Variants in CLMN observed in about 807,000 individuals in gnomAD.
CLMN encodes the protein calmin (calponin-like, transmembrane).
A neutral mutation model predicts 92.7 loss-of-function variants in CLMN; 57 were observed. The ratio of observed to expected loss-of-function variants is 0.61; its 90% CI spans 0.50 to 0.77. The LOEUF (loss-of-function observed/expected upper bound fraction) is 0.77, where lower values mean the gene tolerates loss of function less well. Ranked by LOEUF, CLMN falls within the 30% of genes least tolerant of loss-of-function variation. CLMN has a pLI of 0.00. For missense variants in CLMN, 1,158 were observed against 1,237.5 expected (o/e 0.94, Z 0.96); for synonymous variants, 466 against 470.6 (o/e 0.99, Z 0.13).
chr14:95,193,898 A>G lies in CLMN; in HGVS notation c.2791T>C (p.Leu931=). The G allele has an allele frequency of 6.2e-7, 1 of 1,614,128 alleles. No homozygotes were observed. Among genetic ancestry groups the G allele is most frequent in the African/African-American group, 1.3e-5 (1 of 75,028 alleles). The part of the protein sequence containing the change: ...SESDHFSYVQ[L]RNAADLDDRR... ...TCATCCAGATCTGCTGCGTTCCTCA[A>G]CTGAACATAGCTAAAATGATCCTAC... Residue 931 remains leucine (L), a synonymous_variant, in exon 12 of 13, where the codon TTG becomes CTG. Transcript: ENST00000298912.
At position 95,256,545 on chromosome 14, in the gene CLMN, G is replaced by A. The variant is rs1380204789; in HGVS notation, c.83-26412C>T. 6.6e-6 allele frequency among the ~76,000 whole-genome samples: 1 copy of A among 152,164 alleles called. No individual in the cohort carries two copies. Among genetic ancestry groups the A allele is most frequent in the Non-Finnish European group, 1.5e-5 (1 of 68,032 alleles). On this transcript the variant is annotated intron_variant, in intron 1 of 12. Transcript: ENST00000298912. The surrounding 1 kb of genome is among the most constrained non-coding windows in gnomAD (Gnocchi z 4.9). ...CACCTGCTGCTGGGCCCACGGCAGG[G>A]TAACTGCCACCAGCTTGCTGAGTGT...
chr14:95,299,183 C>G (rs1183386698), intron 1 of CLMN, among the ~76,000 whole-genome samples: 1 of 152,134 alleles, frequency 6.6e-6, no homozygotes, highest in African/African-American at 2.4e-5. Flanking sequence ...TCGGGCTGCC[C>G]AGGGTCCTTG....
At position 95,319,718 on chromosome 14, in the gene CLMN, G is replaced by A. The variant is rs774570674; in HGVS notation, c.75C>T (p.Asn25=). Residue 25 remains asparagine (N), a synonymous_variant, in exon 1 of 13, where the codon AAC becomes AAT. Transcript: ENST00000298912. ...GAGCCTGGGCTGCGTTACCTTGCAGGTTCTGCACTCGGATGTCGCTAATCT... is the reference window on the plus strand; with the variant it reads ...GAGCCTGGGCTGCGTTACCTTGCAGATTCTGCACTCGGATGTCGCTAATCT... The part of the protein sequence containing the change: ...IGQISDIRVQ[N]LQVERENVQK... 6.3e-7 allele frequency: 1 copy of A among 1,597,824 alleles called. No individual in the cohort carries two copies. Among genetic ancestry groups the A allele is most frequent in the South Asian group, 1.1e-5 (1 of 90,600 alleles).
intron 2 of CLMN, among the ~76,000 whole-genome samples, chr14:95,229,469 G>A (rs1008356040): frequency 6.6e-6 from 1 of 152,156 alleles, no homozygotes; most frequent in African/African-American, 2.4e-5. Flanking sequence ...GAATACAGAG[G>A]AGAAGCCATG....
At chr14:95,205,440 G>T (rs962332716) in intron 8 of CLMN, among the ~76,000 whole-genome samples, 4 of 152,094 alleles carry the variant, frequency 2.6e-5, no homozygotes, top group Non-Finnish European at 5.9e-5. Flanking sequence ...CAATACAAAA[G>T]AAATAGTTCT....
chr14:95,197,203 C>T (rs529379033), intron 9 of CLMN, among the ~76,000 whole-genome samples: 1 of 151,916 alleles, frequency 6.6e-6, no homozygotes, highest in Admixed American at 6.6e-5. Flanking sequence ...GAGCCAAGAT[C>T]ATGCCACTGC....
At chr14:95,302,500 T>C (rs1425598011) in intron 1 of CLMN, among the ~76,000 whole-genome samples, 2 of 152,162 alleles carry the variant, frequency 1.3e-5, no homozygotes, top group African/African-American at 2.4e-5. Flanking sequence ...TTTAACAATA[T>C]ATATATTTTT....
In CLMN at chr14:95,203,645, G is replaced by A. The variant is rs147284495; in HGVS notation, c.1704C>T (p.Ser568=). 45 of 1,614,004 alleles carry A rather than the reference G, an allele frequency of 2.8e-5. No individual in the cohort carries two copies. Among genetic ancestry groups the A allele is most frequent in the Middle Eastern group, 3.3e-4 (2 of 6,084 alleles). Residue 568 remains serine, a synonymous_variant, in exon 9 of 13, where the codon AGC becomes AGT. Transcript: ENST00000298912. ...AIPLKASKFN[S]DLIDFASTSQ... ...TGGTAGAAGCAAAATCTATTAGGTCGCTGTTAAATTTTGAGGCTTTTAATG... is the reference window on the plus strand; with the variant it reads ...TGGTAGAAGCAAAATCTATTAGGTCACTGTTAAATTTTGAGGCTTTTAATG...
In CLMN at chr14:95,204,360, T is replaced by C. The variant is rs1488416153; in HGVS notation, c.989A>G (p.Glu330Gly). The C allele has an allele frequency of 1.2e-6, 2 of 1,614,160 alleles. No individual in the cohort carries two copies. The highest frequency in any genetic ancestry group is 1.7e-6 in the Non-Finnish European group (2 of 1,180,018). ...AACAGTGTAGGTACGCTCCCCATTT[T>C]CAGTCAGAACGAAGACTTTGCTCTC... ...EQESKVFVLT[E>G]NGERTYTVNH... The change falls in exon 9 of 13, where the codon GAA becomes GGA. Residue 330 changes from glutamate (E) to glycine (G), a missense_variant. Glu to Gly is a moderately conservative substitution (Grantham distance 98). Coordinates refer to ENST00000298912, the MANE Select transcript of CLMN (RefSeq NM_024734.4).
intron 1 of CLMN, among the ~76,000 whole-genome samples, chr14:95,242,951 A>C (rs1042174205): frequency 5.9e-5 from 9 of 151,952 alleles, no homozygotes; most frequent in Admixed American, 1.3e-4. Flanking sequence ...GAGGTTGGCA[A>C]TTTTTTTTCT....
chr14:95,263,485 C>T, intron 1 of CLMN, among the ~76,000 whole-genome samples: 1 of 152,194 alleles, frequency 6.6e-6, no homozygotes, highest in African/African-American at 2.4e-5. Context: ...AAGATCCAGA[C>T]ACTGATGAGG....
At position 95,191,897 on chromosome 14, in the gene CLMN, A is replaced by G. The variant is rs1484680996; in HGVS notation, c.2841-165T>C. 5 of 584,916 alleles carry G rather than the reference A, an allele frequency of 8.5e-6. No individual in the cohort carries two copies. The highest frequency in any genetic ancestry group is 1.4e-5 in the Non-Finnish European group (5 of 345,904). 36.2% of individuals were successfully genotyped at this position (584,916 alleles called of 1,614,324 possible). On this transcript the variant is annotated intron_variant, in intron 12 of 12. Transcript: ENST00000298912. This position sits in a 1 kb window ranked among gnomAD's most constrained non-coding sequence, Gnocchi z 5.3. ...GCCCCACACTGTGTGTACTGGCCCAAGGCAGTGCGTCGGGCCATCCAGGCA... is the reference window on the plus strand; with the variant it reads ...GCCCCACACTGTGTGTACTGGCCCAGGGCAGTGCGTCGGGCCATCCAGGCA...
chr14:95,287,642 G>A (rs1900394372), intron 1 of CLMN, among the ~76,000 whole-genome samples: 1 of 152,224 alleles, frequency 6.6e-6, no homozygotes, highest in African/African-American at 2.4e-5. Context: ...GGGTGATGCT[G>A]ATGCTGCTGG....
At chr14:95,248,172 C>T (rs561466281) in intron 1 of CLMN, among the ~76,000 whole-genome samples, 7 of 151,364 alleles carry the variant, frequency 4.6e-5, no homozygotes, top group Non-Finnish European at 1.0e-4. Context: ...AAGAGACACA[C>T]CAGCTCGTTG....
intron 1 of CLMN, among the ~76,000 whole-genome samples, chr14:95,242,769 A>G (rs1392720298): frequency 1.3e-5 from 2 of 150,746 alleles, no homozygotes; most frequent in East Asian, 2.0e-4. Context: ...GGGTTTCACT[A>G]TATAGGCCAA....
rs1490326768 is a variant in CLMN, at chr14:95,191,806, C to T, written c.2841-74G>A. 15 of 1,439,168 alleles carry T rather than the reference C, an allele frequency of 1.0e-5. No individual in the cohort carries two copies. The highest frequency in any genetic ancestry group is 4.1e-5 in the Admixed American group (2 of 48,528). 89.1% of individuals were successfully genotyped at this position (1,439,168 alleles called of 1,614,324 possible). A position where few individuals can be genotyped will look rare whatever the true frequency, so the allele number is the denominator to read the frequency against. ...AAAGTGGACCCCACCCAGTGCTACCCGTCTCTCCCCGGCCCCCACTCCCCG... is the reference window on the plus strand; with the variant it reads ...AAAGTGGACCCCACCCAGTGCTACCTGTCTCTCCCCGGCCCCCACTCCCCG... On this transcript the variant is annotated intron_variant, in intron 12 of 12. Transcript: ENST00000298912. This position sits in a 1 kb window ranked among gnomAD's most constrained non-coding sequence, Gnocchi z 5.3.
intron 2 of CLMN, among the ~76,000 whole-genome samples, chr14:95,224,485 G>A (rs1897649855): frequency 6.6e-6 from 1 of 152,064 alleles, no homozygotes; most frequent in South Asian, 2.1e-4. Flanking sequence ...GTTTCACCAT[G>A]TTGGCCAGTC....
intron 1 of CLMN, among the ~76,000 whole-genome samples, chr14:95,237,087 G>C (rs896830421): frequency 6.6e-6 from 1 of 152,214 alleles, no homozygotes; most frequent in African/African-American, 2.4e-5. Context: ...GCTCATTTTG[G>C]ACAAGTTACT....
chr14:95,274,765 G>C (rs1396368488), intron 1 of CLMN, among the ~76,000 whole-genome samples: 1 of 152,156 alleles, frequency 6.6e-6, no homozygotes, highest in Non-Finnish European at 1.5e-5. Flanking sequence ...CGGATCACCA[G>C]GTCAAGAGAT....
Sources: allele counts gnomAD v4.1 joint callset (sites outside exome capture counted in the v4.1 genomes callset), GRCh38; gene constraint gnomAD v4.1.1; non-coding constraint Gnocchi (gnomAD v3.1); transcripts MANE v1.5; gene names NCBI Gene and HGNC (gene_info 2026-07-23, HGNC 2026-07-21).